Variants in PRRG4 observed in about 807,000 individuals in gnomAD.
PRRG4 encodes proline rich and Gla domain 4, also known as transmembrane gamma-carboxyglutamic acid protein 4.
Under a neutral mutation model 20.0 loss-of-function variants are expected in PRRG4, and 12 were observed. That is an observed-to-expected ratio of 0.60 (90% CI 0.38 to 0.97). The LOEUF (loss-of-function observed/expected upper bound fraction) is 0.97. Ranked by LOEUF, PRRG4 falls within the 50% of genes least tolerant of loss-of-function variation. The pLI is 0.00. For missense variants in PRRG4, 199 were observed against 265.1 expected, an observed-to-expected ratio of 0.75 and a Z score of 1.73; for synonymous variants, 94 against 96.4, an observed-to-expected ratio of 0.98 and a Z score of 0.15.
chr11:32,840,094 G>A lies in PRRG4; in HGVS notation c.317-13G>A. The A allele has an allele frequency of 6.4e-7, 1 of 1,570,974 alleles. No individual in the cohort carries two copies. Among genetic ancestry groups the A allele is most frequent in the Non-Finnish European group, 8.8e-7 (1 of 1,142,652 alleles). ...GTTGTTATATTTATGTTATTTTAAT[G>A]ATTTATTTTAAGATGGCAACAGAGA... On this transcript the variant is annotated splice_polypyrimidine_tract_variant and intron_variant, in intron 4 of 5. Transcript: ENST00000257836. This position sits in a 1 kb window ranked among gnomAD's most constrained non-coding sequence, Gnocchi z 4.1.
rs1446240561 is a variant in PRRG4, at chr11:32,830,122, C to T, written c.-74C>T. ...GGCCTGGCGGCCGAAGGAACCGCCC[C>T]AAGAAGAGCCTCTGGCCCGGGGGCT... On this transcript the variant is annotated 5_prime_UTR_variant, in exon 1 of 6. Coordinates refer to ENST00000257836, the MANE Select transcript of PRRG4 (RefSeq NM_024081.6). The T allele has an allele frequency of 1.0e-6, 1 of 996,948 alleles. No homozygotes were observed. Among genetic ancestry groups the T allele is most frequent in the Non-Finnish European group, 1.2e-6 (1 of 838,152 alleles). The allele number at this position is 996,948 out of a possible 1,614,324, so 61.8% of individuals were successfully genotyped here.
chr11:32,850,849 C>T (rs143636515), intron 5 of PRRG4, among the ~76,000 whole-genome samples: 124 of 152,264 alleles, frequency 8.1e-4, no homozygotes, highest in African/African-American at 2.9e-3. Context: ...ACAGGTGGAT[C>T]ACCTGAGGTC....
intron 5 of PRRG4, among the ~76,000 whole-genome samples, chr11:32,846,509 G>A (rs943347065): frequency 3.3e-5 from 5 of 152,296 alleles, no homozygotes; most frequent in South Asian, 2.1e-4. Context: ...GGAACACAGC[G>A]GTGAGTAAAA....
intron 5 of PRRG4, among the ~76,000 whole-genome samples, chr11:32,851,073 C>CAAAAATAAT (rs1258865643): frequency 6.6e-6 from 1 of 151,164 alleles, no homozygotes; most frequent in Non-Finnish European, 1.5e-5. Flanking sequence ...AATTCAGTCG[C>CAAAAATAAT]AAAAATAATA....
chr11:32,853,092 A>G (rs550747139), intron 5 of PRRG4, among the ~76,000 whole-genome samples: 8 of 152,068 alleles, frequency 5.3e-5, no homozygotes, highest in Non-Finnish European at 7.4e-5. Context: ...CCGGCCCAGG[A>G]TCAGATTTCA....
chr11:32,844,474 T>C (rs1300413319), intron 5 of PRRG4, among the ~76,000 whole-genome samples: 1,486 of 8,090 alleles, frequency 0.18, 28 homozygotes, highest in African/African-American at 0.32. Context: ...TAGCTATTAT[T>C]ATTATTATTA....
At chr11:32,839,644 TTATTAAAATATAA>T (rs1851056724) in intron 4 of PRRG4, among the ~76,000 whole-genome samples, 2 of 144,244 alleles carry the variant, frequency 1.4e-5, no homozygotes, top group African/African-American at 2.6e-5. Context: ...ATTTTGAATA[TTATTAAAATATAA>T]GTATTATATT....
At position 32,836,766 on chromosome 11, in the gene PRRG4, A is replaced by C. The variant is rs1435462943; in HGVS notation, c.212A>C (p.Glu71Ala). ...GGCAACCTAGAAAGAGAGTGCAATG[A>C]AGAACTTTGCAATTATGAGGAAGCC... ...TPGNLERECN[E>A]ELCNYEEARE... The change falls in exon 3 of 6, where the codon GAA (glutamate) becomes GCA (alanine). Residue 71 changes from glutamate to alanine, a missense_variant. Glu to Ala is a moderately radical substitution (Grantham distance 107). Coordinates refer to ENST00000257836, the MANE Select transcript of PRRG4 (RefSeq NM_024081.6). 6.2e-7 allele frequency: 1 copy of C among 1,613,278 alleles called. No individual in the cohort carries two copies. Among genetic ancestry groups the C allele is most frequent in the South Asian group, 1.1e-5 (1 of 91,046 alleles).
chr11:32,829,802 G>A, upstream of PRRG4: 1 of 985,406 alleles, frequency 1.0e-6, no homozygotes, highest in East Asian at 1.1e-4. Flanking sequence ...AGCTGGGGCG[G>A]CTGAGAGCGC....
At chr11:32,831,283 T>A (rs1332733376) in intron 2 of PRRG4, among the ~76,000 whole-genome samples, 2 of 152,086 alleles carry the variant, frequency 1.3e-5, no homozygotes, top group Non-Finnish European at 2.9e-5. Flanking sequence ...AAAAAAAGCC[T>A]CTGTCTCTCA....
chr11:32,850,935 TG>T (rs1851177599), intron 5 of PRRG4, among the ~76,000 whole-genome samples: 1 of 152,122 alleles, frequency 6.6e-6, no homozygotes, highest in African/African-American at 2.4e-5. Flanking sequence ...TAGCCGGGTG[TG>T]GTGGCGGGCA....
rs1851066143 is a variant in PRRG4 at position 32,840,312 on chromosome 11, A to T, written c.449+73A>T. 9.0e-7 allele frequency: 1 copy of T among 1,109,016 alleles called. No homozygotes were observed. 68.7% of individuals were successfully genotyped at this position (1,109,016 alleles called of 1,614,324 possible). On this transcript the variant is annotated intron_variant, in intron 5 of 5. Coordinates refer to ENST00000257836, the MANE Select transcript of PRRG4 (RefSeq NM_024081.6). The surrounding 1 kb of genome is among the most constrained non-coding windows in gnomAD (Gnocchi z 4.1). ...TATTATTTTAACAATGGGTCAAGCA[A>T]ATGGCTGCCTATTTTCTTAAATAAG...
rs1850947110 is a variant in PRRG4, at chr11:32,830,016, G to A, written c.-180G>A. 1.0e-6 allele frequency: 1 copy of A among 985,750 alleles called. No individual in the cohort carries two copies. The highest frequency in any genetic ancestry group is 4.7e-5 in the South Asian group (1 of 21,308). The allele number at this position is 985,750 out of a possible 1,614,324, so 61.1% of individuals were successfully genotyped here. A position where few individuals can be genotyped will look rare whatever the true frequency, so the allele number is the denominator to read the frequency against. ...TCTGCGAACCCCAGGCCCTTCCCAG[G>A]TTTGCGCGCGGGGGCCATCCAGACC... On this transcript the variant is annotated 5_prime_UTR_variant, in exon 1 of 6. Transcript: ENST00000257836.
At chr11:32,849,120 T>C (rs1218051608) in intron 5 of PRRG4, among the ~76,000 whole-genome samples, 2 of 152,102 alleles carry the variant, frequency 1.3e-5, no homozygotes, top group Admixed American at 6.6e-5. Context: ...CCTAGTACTT[T>C]GGGAGTCCGA....
chr11:32,845,097 A>AAAAAAT (rs745491497), intron 5 of PRRG4, among the ~76,000 whole-genome samples: 1 of 152,134 alleles, frequency 6.6e-6, no homozygotes, highest in Non-Finnish European at 1.5e-5. Flanking sequence ...GATCTTGTAA[A>AAAAAAT]AAAAATAAAA....
At position 32,856,668 on chromosome 11, in the gene PRRG4, T is replaced by G. The variant is rs1010649007; in HGVS notation, c.*3141T>G. 7 of 152,106 alleles carry G rather than the reference T, an allele frequency of 4.6e-5. No homozygotes were observed. Among genetic ancestry groups the G allele is most frequent in the Non-Finnish European group, 1.0e-4 (7 of 68,024 alleles). The allele number at this position is 152,106 out of a possible 1,614,324, so 9.4% of individuals were successfully genotyped here. A position where few individuals can be genotyped will look rare whatever the true frequency, so the allele number is the denominator to read the frequency against. On this transcript the variant is annotated 3_prime_UTR_variant, in exon 6 of 6. Coordinates refer to ENST00000257836, the MANE Select transcript of PRRG4 (RefSeq NM_024081.6). ...GATCAGTTTTCCACTTTATTACAATTAAGAAATGAGTAAAATATGGATATA... is the reference window on the plus strand; with the variant it reads ...GATCAGTTTTCCACTTTATTACAATGAAGAAATGAGTAAAATATGGATATA...
At chr11:32,830,200 G>A (rs1850949703) in intron 1 of PRRG4, 27 bp downstream of exon 1, 1 of 1,068,988 alleles carries the variant, frequency 9.4e-7, no homozygotes, top group Admixed American at 5.1e-5. Flanking sequence ...CAGGACCTCG[G>A]CGGGGAGGGG....
intron 5 of PRRG4, among the ~76,000 whole-genome samples, chr11:32,848,971 TAA>T (rs1554974458): frequency 8.3e-6 from 1 of 120,824 alleles, no homozygotes. Flanking sequence ...GACTCTGTCT[TAA>T]AAAAAAAAAA....
Position 32,840,363 on chromosome 11 carries a change from T to G in PRRG4, c.449+124T>G. 1 of 719,998 alleles carries G rather than the reference T, an allele frequency of 1.4e-6. No homozygotes were observed. Among genetic ancestry groups the G allele is most frequent in the South Asian group, 2.1e-5 (1 of 48,546 alleles). 44.6% of individuals were successfully genotyped at this position (719,998 alleles called of 1,614,324 possible). A position where few individuals can be genotyped will look rare whatever the true frequency, so the allele number is the denominator to read the frequency against. ...CCTTTTATTTTGGAAGAATTTTAGA[T>G]GTATAGGGAAGTTGCAAAGGTTAAT... On this transcript the variant is annotated intron_variant, in intron 5 of 5. Transcript: ENST00000257836. This position sits in a 1 kb window ranked among gnomAD's most constrained non-coding sequence, Gnocchi z 4.1.
Sources: gnomAD v4.1 joint callset for allele counts (sites outside exome capture counted in the v4.1 genomes callset) on GRCh38, gnomAD v4.1.1 for gene constraint, Gnocchi (gnomAD v3.1) non-coding constraint, MANE v1.5 for transcripts, NCBI Gene and HGNC (gene_info 2026-07-23, HGNC 2026-07-21) for gene names.